ZNF385D: variants seen among roughly 807,000 people sequenced by gnomAD.
The protein encoded by ZNF385D is zinc finger protein 385D, also known as zinc finger protein 659.
A neutral mutation model predicts 35.8 loss-of-function variants in ZNF385D; 15 were observed. That is an observed-to-expected ratio of 0.42 (90% CI 0.28 to 0.64). The LOEUF is 0.64. ZNF385D is among the 30% of genes least tolerant of loss of function. ZNF385D has a pLI of 0.23. For synonymous variants in ZNF385D, 212 were observed against 186.8 expected, an observed-to-expected ratio of 1.13 and a Z score of -1.10; for missense variants, 474 against 494.6, an observed-to-expected ratio of 0.96 and a Z score of 0.39.
intron 3 of ZNF385D, among the ~76,000 whole-genome samples, chr3:22,105,627 G>A (rs1702169116): frequency 6.6e-6 from 1 of 151,912 alleles, no homozygotes; most frequent in South Asian, 2.1e-4. Flanking sequence ...TGAGAACCAG[G>A]ACCACCAAGG....
intron 2 of ZNF385D, among the ~76,000 whole-genome samples, chr3:22,217,583 G>C (rs1049137619): frequency 6.6e-6 from 1 of 152,102 alleles, no homozygotes; most frequent in African/African-American, 2.4e-5. Flanking sequence ...GGATATAATT[G>C]AATCTGTAAC....
In ZNF385D at chr3:21,465,116, G is replaced by C. The variant is rs1015770570; in HGVS notation, c.440-27913C>G. 6.6e-6 allele frequency among the ~76,000 whole-genome samples: 1 copy of C among 152,200 alleles called. No individual in the cohort carries two copies. Among genetic ancestry groups the C allele is most frequent in the East Asian group, 1.9e-4 (1 of 5,172 alleles). On this transcript the variant is annotated intron_variant, in intron 4 of 7. Transcript: ENST00000281523. The surrounding 1 kb of genome is among the most constrained non-coding windows in gnomAD (Gnocchi z 4.2). ...TCAACAGATTTCCAAAGCTGTCTCTGTCTATATGGAGCATTTTTGTTAAAT... is the reference window on the plus strand; with the variant it reads ...TCAACAGATTTCCAAAGCTGTCTCTCTCTATATGGAGCATTTTTGTTAAAT...
At chr3:22,304,100 G>T (rs901640843) in intron 2 of ZNF385D, among the ~76,000 whole-genome samples, 3 of 152,060 alleles carry the variant, frequency 2.0e-5, no homozygotes, top group Non-Finnish European at 4.4e-5. Flanking sequence ...ACTGCATAAA[G>T]CTTCAACTAT....
At chr3:22,136,218 T>C (rs1704094650) in intron 3 of ZNF385D, among the ~76,000 whole-genome samples, 1 of 152,124 alleles carries the variant, frequency 6.6e-6, no homozygotes, top group Admixed American at 6.6e-5. Context: ...ACCTCATCTC[T>C]ACTAAAAATT....
intron 3 of ZNF385D, among the ~76,000 whole-genome samples, chr3:22,034,577 T>G (rs530137548): frequency 2.6e-5 from 4 of 152,310 alleles, no homozygotes; most frequent in Admixed American, 2.0e-4. Context: ...TGTAAAAATA[T>G]GTATTAATAT....
rs140341299 is a variant in ZNF385D, at chr3:22,197,907, G to C, written c.107-28872C>G. On this transcript the variant is annotated intron_variant, in intron 2 of 5. Coordinates refer to the ZNF385D transcript ENST00000494108. Reference sequence around the variant, plus strand: ...GTGCTCAGACTTCAAACAGCTTTTTGTTATCATTTTATGTAGCTTTCATAG... The same window carrying C: ...GTGCTCAGACTTCAAACAGCTTTTTCTTATCATTTTATGTAGCTTTCATAG... 1.6e-3 allele frequency among the ~76,000 whole-genome samples: 238 copies of C among 151,694 alleles called. 2 individuals carry two copies. The highest frequency in any genetic ancestry group is 5.4e-3 in the African/African-American group (222 of 41,146).
At chr3:21,754,351 CTG>C (rs2070243380), upstream of ZNF385D, among the ~76,000 whole-genome samples, 2 of 152,156 alleles carry the variant, frequency 1.3e-5, no homozygotes, top group Non-Finnish European at 1.5e-5. Context: ...CTCTAAGAAT[CTG>C]TGAGAACCTA....
intron 3 of ZNF385D, among the ~76,000 whole-genome samples, chr3:22,066,463 T>TGTGTGTGC (rs1301521223): frequency 1.5e-5 from 2 of 132,178 alleles, no homozygotes; most frequent in Non-Finnish European, 3.2e-5. Context: ...TGGTTCCCCG[T>TGTGTGTGC]GTGTGTGTGT....
At chr3:21,581,793 A>G (rs1293120820) in intron 2 of ZNF385D, among the ~76,000 whole-genome samples, 1 of 152,206 alleles carries the variant, frequency 6.6e-6, no homozygotes, top group African/African-American at 2.4e-5. Flanking sequence ...TATTTTAGCT[A>G]TTCTCAACCC....
At chr3:21,786,887 C>T (rs1196248887) in intron 3 of ZNF385D, among the ~76,000 whole-genome samples, 3 of 151,950 alleles carry the variant, frequency 2.0e-5, no homozygotes, top group Admixed American at 2.0e-4. Context: ...GTGAAGTAGT[C>T]CATTATATTA....
intron 2 of ZNF385D, among the ~76,000 whole-genome samples, chr3:21,589,039 G>C (rs1337086561): frequency 6.6e-6 from 1 of 152,128 alleles, no homozygotes; most frequent in Non-Finnish European, 1.5e-5. Context: ...GTTTTAGTGG[G>C]AGAGAGACAC....
At chr3:21,448,627 A>G (rs1020119988) in intron 4 of ZNF385D, among the ~76,000 whole-genome samples, 3 of 152,308 alleles carry the variant, frequency 2.0e-5, no homozygotes, top group Middle Eastern at 3.4e-3. Context: ...AAGACTGGCC[A>G]CTGAAAAATT....
chr3:21,749,405 C>T (rs1274095763), intron 1 of ZNF385D, among the ~76,000 whole-genome samples: 2 of 152,142 alleles, frequency 1.3e-5, no homozygotes, highest in African/African-American at 4.8e-5. Flanking sequence ...GGAATTGTTT[C>T]AAGAGGGTGA....
In ZNF385D at chr3:22,271,186, T is replaced by C. The variant is rs368153893; in HGVS notation, c.106+101264A>G. Among the ~76,000 whole-genome samples, 10 of 151,226 alleles carry C rather than the reference T, an allele frequency of 6.6e-5. No individual in the cohort carries two copies. The South Asian group carries it at 2.1e-3, about 32-fold the overall frequency. ...TATTAGAAAATTATATCATAATACA[T>C]TGAGCATTGTCTTTGAGCTATTATA... On this transcript the variant is annotated intron_variant, in intron 2 of 5. Coordinates refer to the ZNF385D transcript ENST00000494108.
intron 3 of ZNF385D, among the ~76,000 whole-genome samples, chr3:22,024,193 C>A (rs983193829): frequency 6.6e-6 from 1 of 152,146 alleles, no homozygotes; most frequent in Non-Finnish European, 1.5e-5. Flanking sequence ...CCTAGAACAT[C>A]AGACTCTAAG....
intron 1 of ZNF385D, among the ~76,000 whole-genome samples, chr3:21,682,160 CAAAAT>C (rs2066931918): frequency 6.6e-6 from 1 of 152,100 alleles, no homozygotes; most frequent in African/African-American, 2.4e-5. Flanking sequence ...AGAAATCTAA[CAAAAT>C]AAAGAAGAGC....
chr3:21,828,591 C>G (rs896660060), intron 3 of ZNF385D, among the ~76,000 whole-genome samples: 6 of 152,160 alleles, frequency 3.9e-5, no homozygotes, highest in African/African-American at 7.2e-5. Flanking sequence ...TATTGGCTAC[C>G]TACTGTGTGT....
intron 3 of ZNF385D, among the ~76,000 whole-genome samples, chr3:21,789,340 A>C (rs989343785): frequency 6.6e-6 from 1 of 152,246 alleles, no homozygotes; most frequent in Non-Finnish European, 1.5e-5. Context: ...TATAAACCCC[A>C]GAAGAAATAT....
At chr3:21,864,604 A>T (rs1697233027) in intron 3 of ZNF385D, among the ~76,000 whole-genome samples, 2 of 152,116 alleles carry the variant, frequency 1.3e-5, no homozygotes, top group African/African-American at 4.8e-5. Context: ...AGTGTTTTAA[A>T]TACTAATAAA....
Sources: allele counts gnomAD v4.1 joint callset (sites outside exome capture counted in the v4.1 genomes callset), GRCh38; gene constraint gnomAD v4.1.1; non-coding constraint Gnocchi (gnomAD v3.1); transcripts MANE v1.5; gene names NCBI Gene and HGNC (gene_info 2026-07-23, HGNC 2026-07-21).